Variants in PCDH15 observed in about 807,000 individuals in gnomAD.
PCDH15 encodes protocadherin related 15.
In PCDH15, 129 loss-of-function variants were observed where a neutral mutation model predicts 178.5. The ratio of observed to expected loss-of-function variants is 0.72; its 90% CI spans 0.63 to 0.84. The LOEUF (loss-of-function observed/expected upper bound fraction) is 0.84. Among genes scored for constraint, PCDH15 ranks in the 40% least tolerant of loss-of-function variants. The probability of loss-of-function intolerance (pLI) is 0.00; values close to 1 mark genes in which losing one functional copy is unlikely to be tolerated. For synonymous variants in PCDH15, 800 were observed against 732.0 expected (o/e 1.09, Z -1.50); for missense variants, 2,230 against 2,099.9 (o/e 1.06, Z -1.21).
At chr10:53,883,167 G>A (rs2080853424) in intron 26 of PCDH15, among the ~76,000 whole-genome samples, 1 of 61,142 alleles carries the variant, frequency 1.6e-5, no homozygotes, top group Non-Finnish European at 2.7e-5. Flanking sequence ...ACACACATAT[G>A]CATACACATA....
chr10:55,555,393 C>T (rs1564451894), intron 2 of PCDH15, among the ~76,000 whole-genome samples: 1 of 152,040 alleles, frequency 6.6e-6, no homozygotes, highest in African/African-American at 2.4e-5. Context: ...ATAAGAAAGC[C>T]GTTTTATTTT....
chr10:54,919,977 G>A (rs1474115319), intron 2 of PCDH15, among the ~76,000 whole-genome samples: 1 of 152,030 alleles, frequency 6.6e-6, no homozygotes, highest in Non-Finnish European at 1.5e-5. Context: ...TCTTTCCTAA[G>A]TGGAACTGTA....
intron 2 of PCDH15, among the ~76,000 whole-genome samples, chr10:54,616,403 C>T (rs1439438478): frequency 6.6e-6 from 1 of 152,006 alleles, no homozygotes; most frequent in Non-Finnish European, 1.5e-5. Context: ...AGAACTGCTT[C>T]TTTGGAGGCC....
chr10:53,826,810 A>G (rs2076711411), intron 32 of PCDH15, among the ~76,000 whole-genome samples: 1 of 152,104 alleles, frequency 6.6e-6, no homozygotes, highest in African/African-American at 2.4e-5. Flanking sequence ...TGAAAAAAGC[A>G]TTTTCTAAGT....
chr10:55,256,689 C>A (rs1375338606), intron 1 of PCDH15, among the ~76,000 whole-genome samples: 1 of 152,318 alleles, frequency 6.6e-6, no homozygotes, highest in South Asian at 2.1e-4. Flanking sequence ...GGGCGCCCGC[C>A]ATTGCTCAGG....
chr10:54,548,587 T>C (rs2086152194), intron 2 of PCDH15, among the ~76,000 whole-genome samples: 1 of 146,550 alleles, frequency 6.8e-6, no homozygotes, highest in Non-Finnish European at 1.5e-5. Context: ...TATATTATTG[T>C]ATATATTTAT....
At chr10:54,697,834 A>C (rs2095256664) in intron 1 of PCDH15, among the ~76,000 whole-genome samples, 1 of 151,986 alleles carries the variant, frequency 6.6e-6, no homozygotes, top group South Asian at 2.1e-4. Flanking sequence ...ATAGCCAGGA[A>C]GACTGTTCTT....
chr10:55,490,039 GA>G (rs1045747235), intron 2 of PCDH15, among the ~76,000 whole-genome samples: 14 of 150,362 alleles, frequency 9.3e-5, no homozygotes, highest in South Asian at 2.1e-4. Flanking sequence ...AAAACAAACA[GA>G]AAAAAAAATT....
intron 2 of PCDH15, among the ~76,000 whole-genome samples, chr10:54,649,809 C>G (rs2135165771): frequency 6.6e-6 from 1 of 152,148 alleles, no homozygotes; most frequent in African/African-American, 2.4e-5. Flanking sequence ...CTGATTTTGT[C>G]CCCACGTCAT....
chr10:54,265,821 A>C (rs2057637919), intron 8 of PCDH15, among the ~76,000 whole-genome samples: 1 of 152,016 alleles, frequency 6.6e-6, no homozygotes, highest in Non-Finnish European at 1.5e-5. Flanking sequence ...GCCCCTCAGT[A>C]ATAACTGGGG....
chr10:53,925,725 C>G (rs1176941295), intron 25 of PCDH15, among the ~76,000 whole-genome samples: 1 of 152,130 alleles, frequency 6.6e-6, no homozygotes, highest in Non-Finnish European at 1.5e-5. Flanking sequence ...TGTTTCCAGT[C>G]CCTGGTTTCT....
rs1049644748 is a variant in PCDH15, at chr10:55,403,169, C to A, written c.-156+224456G>T. ...CTTTTGAAGAATACCTATTCAGATTCTTTGCCTAGTTTTTTATGGGAATAT... is the reference window on the plus strand; with the variant it reads ...CTTTTGAAGAATACCTATTCAGATTATTTGCCTAGTTTTTTATGGGAATAT... On this transcript the variant is annotated intron_variant, in intron 2 of 5. Coordinates refer to the PCDH15 transcript ENST00000613346. 5.9e-5 allele frequency among the ~76,000 whole-genome samples: 9 copies of A among 151,936 alleles called. No homozygotes were observed. The East Asian group carries it at 1.5e-3, about 26-fold the overall frequency.
At chr10:55,288,212 GA>G (rs199901208) in intron 1 of PCDH15, among the ~76,000 whole-genome samples, 4 of 147,636 alleles carry the variant, frequency 2.7e-5, no homozygotes, top group East Asian at 3.9e-4. Context: ...CTAACTTGAA[GA>G]AAAAAAAATT....
chr10:55,296,538 C>A (rs1843136235), intron 1 of PCDH15, among the ~76,000 whole-genome samples: 1 of 152,016 alleles, frequency 6.6e-6, no homozygotes, highest in African/African-American at 2.4e-5. Flanking sequence ...GGGACGAAGA[C>A]CAAGTATTAT....
chr10:54,429,386 C>A (rs907672792), intron 3 of PCDH15, among the ~76,000 whole-genome samples: 1 of 152,082 alleles, frequency 6.6e-6, no homozygotes, highest in African/African-American at 2.4e-5. Context: ...CCAAGAATAT[C>A]ACCTCCACTA....
At chr10:54,519,613 A>G (rs2082623815) in intron 3 of PCDH15, among the ~76,000 whole-genome samples, 2 of 152,176 alleles carry the variant, frequency 1.3e-5, no homozygotes, top group South Asian at 2.1e-4. Context: ...GGAAGAATCA[A>G]TATTGTGAAA....
intron 2 of PCDH15, among the ~76,000 whole-genome samples, chr10:55,605,401 C>T (rs1461073770): frequency 9.0e-5 from 13 of 144,324 alleles, no homozygotes; most frequent in African/African-American, 1.8e-4. Context: ...TTTTATGAGG[C>T]CAGCATCATT....
chr10:54,225,116 A>C (rs1312699710), intron 9 of PCDH15, among the ~76,000 whole-genome samples: 2 of 152,094 alleles, frequency 1.3e-5, no homozygotes, highest in Non-Finnish European at 2.9e-5. Flanking sequence ...TATTTATGAC[A>C]ATGCTTCTGA....
intron 28 of PCDH15, among the ~76,000 whole-genome samples, chr10:53,845,359 G>A (rs950191153): frequency 1.3e-5 from 2 of 151,812 alleles, no homozygotes; most frequent in African/African-American, 4.8e-5. Context: ...ACATGATTCA[G>A]TAATCCCACT....
Sources: allele counts gnomAD v4.1 joint callset (sites outside exome capture counted in the v4.1 genomes callset), GRCh38; gene constraint gnomAD v4.1.1; transcripts MANE v1.5; gene names NCBI Gene and HGNC (gene_info 2026-07-23, HGNC 2026-07-21).